The following PRKG1 variants were observed in gnomAD, a reference collection of about 807,000 sequenced individuals.
The protein encoded by PRKG1 is cGMP-dependent protein kinase 1.
A neutral mutation model predicts 88.1 loss-of-function variants in PRKG1; 35 were observed. The observed-to-expected ratio is 0.40, with a 90% CI of 0.30 to 0.53. The LOEUF (loss-of-function observed/expected upper bound fraction) is 0.53, where lower values mean the gene tolerates loss of function less well. Among genes scored for constraint, PRKG1 ranks in the 20% least tolerant of loss-of-function variants. The pLI is 0.59. For synonymous variants in PRKG1, 303 were observed against 292.5 expected, an observed-to-expected ratio of 1.04 and a Z score of -0.37; for missense variants, 540 against 839.8, an observed-to-expected ratio of 0.64 and a Z score of 4.41.
At chr10:51,863,854 T>G (rs1245823557) in intron 4 of PRKG1, among the ~76,000 whole-genome samples, 4 of 152,196 alleles carry the variant, frequency 2.6e-5, no homozygotes, top group Non-Finnish European at 5.9e-5. Flanking sequence ...CATGTTTAGC[T>G]TCAACTCTGT....
intron 17 of PRKG1, among the ~76,000 whole-genome samples, chr10:52,291,332 G>A (rs1166065572): frequency 6.6e-6 from 1 of 150,894 alleles, no homozygotes; most frequent in Non-Finnish European, 1.5e-5. Context: ...GTATACATGT[G>A]CCATGCTGGT....
chr10:51,625,570 G>A (rs913553635), intron 3 of PRKG1, among the ~76,000 whole-genome samples: 1 of 152,130 alleles, frequency 6.6e-6, no homozygotes, highest in African/African-American at 2.4e-5. Flanking sequence ...GAAAAGGACA[G>A]GAGAGAGATG....
At chr10:51,808,984 T>A (rs918389129) in intron 4 of PRKG1, among the ~76,000 whole-genome samples, 4 of 152,212 alleles carry the variant, frequency 2.6e-5, no homozygotes, top group Non-Finnish European at 4.4e-5. Context: ...ATGGTGCCAC[T>A]GTTTCTTCTC....
At chr10:52,016,613 G>A (rs1293497894) in intron 5 of PRKG1, among the ~76,000 whole-genome samples, 1 of 152,132 alleles carries the variant, frequency 6.6e-6, no homozygotes, top group African/African-American at 2.4e-5. Flanking sequence ...GAAAGGTAAT[G>A]TCTCTTTTAG....
At chr10:51,740,617 C>G (rs1484917184) in intron 3 of PRKG1, among the ~76,000 whole-genome samples, 1 of 152,052 alleles carries the variant, frequency 6.6e-6, no homozygotes, top group East Asian at 1.9e-4. Context: ...CCCTATACTT[C>G]TGAGAAAATA....
intron 2 of PRKG1, among the ~76,000 whole-genome samples, chr10:51,371,656 T>C (rs1286380727): frequency 6.6e-6 from 1 of 152,120 alleles, no homozygotes; most frequent in Non-Finnish European, 1.5e-5. Context: ...TGTTAAATGG[T>C]CAGTAAGCTT....
chr10:52,021,758 TAAAG>T (rs1845192136), intron 5 of PRKG1, among the ~76,000 whole-genome samples: 1 of 152,120 alleles, frequency 6.6e-6, no homozygotes, highest in East Asian at 1.9e-4. Flanking sequence ...GATGAAAAAA[TAAAG>T]AGACTCTCCA....
intron 7 of PRKG1, among the ~76,000 whole-genome samples, chr10:52,107,064 C>G (rs143106366): frequency 1.3e-5 from 2 of 152,138 alleles, no homozygotes; most frequent in African/African-American, 4.8e-5. Flanking sequence ...GGAGGCAGAT[C>G]AAGTTTCACT....
intron 9 of PRKG1, among the ~76,000 whole-genome samples, chr10:52,220,650 T>C (rs958070332): frequency 1.5e-4 from 23 of 152,232 alleles, no homozygotes; most frequent in African/African-American, 5.3e-4. Flanking sequence ...CTCCCACTTA[T>C]AAGTGAGAAC....
intron 7 of PRKG1, among the ~76,000 whole-genome samples, chr10:52,071,042 T>C (rs1846483368): frequency 6.6e-6 from 1 of 152,230 alleles, no homozygotes; most frequent in South Asian, 2.1e-4. Flanking sequence ...TATGTATGCA[T>C]GTTAGAATAA....
intron 3 of PRKG1, among the ~76,000 whole-genome samples, chr10:51,699,967 A>G (rs1486418271): frequency 6.6e-6 from 1 of 152,268 alleles, no homozygotes; most frequent in Non-Finnish European, 1.5e-5. Context: ...GAAACCGCCA[A>G]CCGAAAGCGG....
chr10:51,023,552 G>A (rs16912746), intron 1 of PRKG1, among the ~76,000 whole-genome samples: 42,948 of 152,034 alleles, frequency 0.28, 6,220 homozygotes, highest in South Asian at 0.36. Flanking sequence ...ATATTATCCT[G>A]CACTGATTTT....
intron 2 of PRKG1, among the ~76,000 whole-genome samples, chr10:51,448,085 T>C (rs769613589): frequency 2.6e-5 from 4 of 151,520 alleles, no homozygotes; most frequent in African/African-American, 9.7e-5. Context: ...ATACACACAC[T>C]CACAAATACA....
intron 9 of PRKG1, among the ~76,000 whole-genome samples, chr10:52,175,846 G>A (rs1452857400): frequency 2.0e-5 from 3 of 151,900 alleles, no homozygotes; most frequent in African/African-American, 7.2e-5. Flanking sequence ...CCCATTGTTT[G>A]GTTTTTGCTG....
intron 3 of PRKG1, among the ~76,000 whole-genome samples, chr10:51,544,866 G>A (rs1842408073): frequency 6.6e-6 from 1 of 151,998 alleles, no homozygotes; most frequent in Admixed American, 6.6e-5. Context: ...ATCAAAAATT[G>A]GGCAAAGGAT....
rs114626785 is a variant in PRKG1, at chr10:51,560,279, T to C, written c.592+92443T>C. ...TTAAGATGATGGGATGTATGAGATT[T>C]ATAAATGGAATGGAATGTTGATGAT... On this transcript the variant is annotated intron_variant, in intron 3 of 17. Transcript: ENST00000373980. Among the ~76,000 whole-genome samples the C allele has an allele frequency of 4.6e-3, 702 of 152,266 alleles. 7 individuals are homozygous for C. Among genetic ancestry groups the C allele is most frequent in the African/African-American group, 0.016 (660 of 41,574 alleles).
chr10:52,153,492 CTG>C (rs957357083), intron 8 of PRKG1, among the ~76,000 whole-genome samples: 1 of 152,178 alleles, frequency 6.6e-6, no homozygotes, highest in Non-Finnish European at 1.5e-5. Context: ...TGAAAGAACA[CTG>C]TGGATTTCAC....
intron 4 of PRKG1, among the ~76,000 whole-genome samples, chr10:51,831,808 A>C (rs183063409): frequency 1.4e-4 from 22 of 152,242 alleles, no homozygotes; most frequent in African/African-American, 5.1e-4. Flanking sequence ...AATTGTCCAG[A>C]ATTTAGTCAC....
intron 3 of PRKG1, among the ~76,000 whole-genome samples, chr10:51,549,110 C>CTTTTTT (rs1842514060): frequency 1.1e-5 from 1 of 87,494 alleles, no homozygotes; most frequent in Admixed American, 1.2e-4. Context: ...TCCTTTCTTT[C>CTTTTTT]TTTTCTTTTC....
Sources: allele counts gnomAD v4.1 joint callset (sites outside exome capture counted in the v4.1 genomes callset), GRCh38; gene constraint gnomAD v4.1.1; transcripts MANE v1.5; gene names NCBI Gene and HGNC (gene_info 2026-07-23, HGNC 2026-07-21).